The following SERPINI1 variants were observed in gnomAD, a reference collection of about 807,000 sequenced individuals.
The protein encoded by SERPINI1 is serpin family I member 1.
A neutral mutation model predicts 41.1 loss-of-function variants in SERPINI1; 19 were observed. That is an observed-to-expected ratio of 0.46 (90% CI 0.32 to 0.68). SERPINI1 has a LOEUF of 0.68. Ranked by LOEUF, SERPINI1 falls within the 30% of genes least tolerant of loss-of-function variation. The probability of loss-of-function intolerance (pLI) is 0.03; values close to 1 mark genes in which losing one functional copy is unlikely to be tolerated. For missense variants in SERPINI1, 460 were observed against 479.2 expected (o/e 0.96, Z 0.37); for synonymous variants, 138 against 156.6 (o/e 0.88, Z 0.89).
At chr3:167,804,242 T>C (rs1275291397) in intron 5 of SERPINI1, among the ~76,000 whole-genome samples, 1 of 152,180 alleles carries the variant, frequency 6.6e-6, no homozygotes, top group African/African-American at 2.4e-5. Flanking sequence ...CATCTGTCAA[T>C]CATATTTTTC....
At chr3:167,793,410 G>T (rs1191731599) in intron 4 of SERPINI1, among the ~76,000 whole-genome samples, 1 of 151,752 alleles carries the variant, frequency 6.6e-6, no homozygotes, top group Admixed American at 6.6e-5. Flanking sequence ...TTTTAGCCAG[G>T]TATATGTTAG....
intron 1 of SERPINI1, among the ~76,000 whole-genome samples, chr3:167,782,224 C>T (rs1449193013): frequency 6.6e-6 from 1 of 152,088 alleles, no homozygotes; most frequent in Non-Finnish European, 1.5e-5. Context: ...ATAATAGGGC[C>T]CTGGCATTTT....
At chr3:167,823,719 C>T (rs1163944188) in intron 7 of SERPINI1, among the ~76,000 whole-genome samples, 4 of 152,076 alleles carry the variant, frequency 2.6e-5, no homozygotes, top group Non-Finnish European at 5.9e-5. Flanking sequence ...ACTGTATTTT[C>T]GTACCCACTA....
At chr3:167,792,514 G>A in intron 3 of SERPINI1, 76 bp from the exon 4 acceptor site, 1 of 1,230,288 alleles carries the variant, frequency 8.1e-7, no homozygotes, top group South Asian at 1.3e-5. Flanking sequence ...ATCAGATGGT[G>A]ATTTGAAAAT....
intron 6 of SERPINI1, among the ~76,000 whole-genome samples, chr3:167,808,651 A>C (rs562354321): frequency 1.3e-5 from 2 of 152,292 alleles, no homozygotes; most frequent in South Asian, 4.1e-4. Flanking sequence ...TCTTAGCCTG[A>C]AGCAGCAGCC....
At chr3:167,819,388 A>T (rs1195847657) in intron 6 of SERPINI1, among the ~76,000 whole-genome samples, 1 of 77,614 alleles carries the variant, frequency 1.3e-5, no homozygotes, top group South Asian at 2.8e-4. Flanking sequence ...AATTTTTCTT[A>T]AAAAAAACAC....
intron 1 of SERPINI1, among the ~76,000 whole-genome samples, chr3:167,784,331 C>T (rs953027317): frequency 6.6e-6 from 1 of 152,116 alleles, no homozygotes; most frequent in Non-Finnish European, 1.5e-5. Flanking sequence ...TACACTCTTG[C>T]AAATAATGTG....
At chr3:167,771,714 A>T (rs1487274851) in intron 1 of SERPINI1, among the ~76,000 whole-genome samples, 1 of 152,240 alleles carries the variant, frequency 6.6e-6, no homozygotes, top group Non-Finnish European at 1.5e-5. Flanking sequence ...GACCTGTTGT[A>T]GAATTATTTG....
At chr3:167,760,898 G>A (rs940931778) in intron 1 of SERPINI1, among the ~76,000 whole-genome samples, 4 of 152,166 alleles carry the variant, frequency 2.6e-5, no homozygotes, top group African/African-American at 9.7e-5. Context: ...TTTCTGCAGG[G>A]TGGGTAGTTT....
intron 1 of SERPINI1, among the ~76,000 whole-genome samples, chr3:167,755,160 A>AT (rs34549737): frequency 6.6e-6 from 1 of 152,132 alleles, no homozygotes; most frequent in African/African-American, 2.4e-5. Flanking sequence ...CCACAACTAC[A>AT]TTTTTTTAAG....
chr3:167,761,634 A>G (rs138010685), intron 1 of SERPINI1, among the ~76,000 whole-genome samples: 404 of 152,290 alleles, frequency 2.7e-3, no homozygotes, highest in African/African-American at 9.3e-3. Flanking sequence ...TACACTCAAT[A>G]ATGTCTTCTT....
chr3:167,775,771 G>T (rs925904490), intron 1 of SERPINI1, among the ~76,000 whole-genome samples: 88 of 152,114 alleles, frequency 5.8e-4, no homozygotes, highest in African/African-American at 2.1e-3. Context: ...TAGCTCAGGG[G>T]CTGGCACATA....
At chr3:167,773,407 C>T (rs1726856476) in intron 1 of SERPINI1, among the ~76,000 whole-genome samples, 1 of 149,474 alleles carries the variant, frequency 6.7e-6, no homozygotes, top group Non-Finnish European at 1.5e-5. Context: ...TGAAGAACTA[C>T]AATATTTCCC....
chr3:167,801,108 GCAC>G (rs1727885934), intron 5 of SERPINI1, among the ~76,000 whole-genome samples: 1 of 152,236 alleles, frequency 6.6e-6, no homozygotes, highest in Non-Finnish European at 1.5e-5. Context: ...ATGGGCCACT[GCAC>G]CCGGCCCTGA....
chr3:167,759,400 G>GTATATACATATATATATATATATATA (rs1553771739), intron 1 of SERPINI1, among the ~76,000 whole-genome samples: 11 of 121,160 alleles, frequency 9.1e-5, no homozygotes, highest in South Asian at 5.0e-4. Flanking sequence ...AGAAAATGTG[G>GTATATACATATATATATATATATATA]TATATATATA....
intron 1 of SERPINI1, among the ~76,000 whole-genome samples, chr3:167,785,857 A>G (rs1391810368): frequency 6.6e-6 from 1 of 152,220 alleles, no homozygotes; most frequent in Admixed American, 6.5e-5. Context: ...TAGTTGTGTT[A>G]TTGACTGACA....
intron 6 of SERPINI1, among the ~76,000 whole-genome samples, chr3:167,821,028 T>C (rs1480101974): frequency 6.6e-6 from 1 of 151,826 alleles, no homozygotes; most frequent in Non-Finnish European, 1.5e-5. Flanking sequence ...CTGCTAAGAG[T>C]TGGACACTCG....
chr3:167,792,569 T>G (rs749255048), intron 3 of SERPINI1, 21 bp from the exon 4 acceptor site: 1 of 1,601,476 alleles, frequency 6.2e-7, no homozygotes, highest in Non-Finnish European at 8.6e-7. Context: ...AATTTTTATC[T>G]ATTCATTTTT....
chr3:167,739,172 G>A (rs1725583514), intron 1 of SERPINI1, among the ~76,000 whole-genome samples: 1 of 149,864 alleles, frequency 6.7e-6, no homozygotes, highest in African/African-American at 2.5e-5. Context: ...AATTTGGAAG[G>A]TGTGTTTTAA....
Sources: allele counts gnomAD v4.1 joint callset (sites outside exome capture counted in the v4.1 genomes callset), GRCh38; gene constraint gnomAD v4.1.1; transcripts MANE v1.5; gene names NCBI Gene and HGNC (gene_info 2026-07-23, HGNC 2026-07-21).